The following BLTP1 variants were observed in gnomAD, a reference collection of about 807,000 sequenced individuals.
The protein encoded by BLTP1 is fragile site-associated protein.
At chr4:122,305,545 A>G in the BLTP1 span, 1 of 985,032 alleles carries the variant, frequency 1.0e-6, no homozygotes, top group Non-Finnish European at 1.2e-6. Context: ...GCTGCATTAA[A>G]GATACGAGGA....
the BLTP1 span, among the ~76,000 whole-genome samples, chr4:122,278,487 G>T: frequency 6.6e-6 from 1 of 152,176 alleles, no homozygotes; most frequent in African/African-American, 2.4e-5. Context: ...TGTGGTGGAG[G>T]ACTGGTAAAG....
At chr4:122,213,258 C>T in the BLTP1 span, among the ~76,000 whole-genome samples, 1 of 152,044 alleles carries the variant, frequency 6.6e-6, no homozygotes, top group Admixed American at 6.6e-5. Flanking sequence ...AGATTTGTCT[C>T]AAACTTCTTC....
the BLTP1 span, chr4:122,244,567 A>C: frequency 4.6e-5 from 30 of 647,804 alleles, no homozygotes; most frequent in Admixed American, 1.3e-4. Flanking sequence ...TATTATATAA[A>C]ACTAACATGA....
chr4:122,183,377 C>T, the BLTP1 span: 2 of 818,100 alleles, frequency 2.4e-6, no homozygotes, highest in Non-Finnish European at 2.9e-6. Flanking sequence ...GATTTACATT[C>T]TGCACTCTAG....
chr4:122,328,861 C>A, the BLTP1 span: 1 of 639,560 alleles, frequency 1.6e-6, no homozygotes, highest in South Asian at 7.0e-5. Flanking sequence ...TCAAGAGGAG[C>A]GGCAAGGATC....
At chr4:122,170,055 C>G in the BLTP1 span, 1 of 939,742 alleles carries the variant, frequency 1.1e-6, no homozygotes, top group Non-Finnish European at 1.3e-6. Flanking sequence ...GCATGTAATC[C>G]CAGCACTTTG....
the BLTP1 span, chr4:122,270,326 A>C: frequency 3.1e-6 from 3 of 983,514 alleles, no homozygotes; most frequent in African/African-American, 3.5e-5. Flanking sequence ...CATAGTGTGC[A>C]TGGAAGAAGA....
chr4:122,238,267 G>A, the BLTP1 span: 1 of 1,614,084 alleles, frequency 6.2e-7, no homozygotes, highest in South Asian at 1.1e-5. Flanking sequence ...CTGGTGAAAA[G>A]GAAAGTCCTT....
chr4:122,175,747 G>A, the BLTP1 span: 1 of 710,798 alleles, frequency 1.4e-6, no homozygotes, highest in Admixed American at 2.5e-5. Flanking sequence ...AGGATTTCCT[G>A]TATTTCCTTG....
At chr4:122,277,899 A>G in the BLTP1 span, among the ~76,000 whole-genome samples, 1 of 152,172 alleles carries the variant, frequency 6.6e-6, no homozygotes, top group South Asian at 2.1e-4. Flanking sequence ...AATGGGGGTA[A>G]AATAAAAAGT....
At chr4:122,277,180 T>C in the BLTP1 span, 2 of 681,410 alleles carry the variant, frequency 2.9e-6, no homozygotes, top group Non-Finnish European at 3.6e-6. Flanking sequence ...CTACAAAAAA[T>C]TTAAAAACAA....
At chr4:122,302,160 A>G in the BLTP1 span, 1 of 401,882 alleles carries the variant, frequency 2.5e-6, no homozygotes, top group Non-Finnish European at 3.4e-6. Flanking sequence ...ATTTAATTGT[A>G]TTTAATGTAT....
the BLTP1 span, chr4:122,254,939 T>A: frequency 6.2e-7 from 1 of 1,608,958 alleles, no homozygotes; most frequent in Non-Finnish European, 8.5e-7. Flanking sequence ...GGATGCATAA[T>A]GACAGAAGCA....
chr4:122,181,765 T>C, the BLTP1 span, among the ~76,000 whole-genome samples: 6,034 of 152,052 alleles, frequency 0.04, 163 homozygotes, highest in East Asian at 0.14. Flanking sequence ...GTCTTTACTT[T>C]TGAAGGACAT....
At chr4:122,334,601 C>G in the BLTP1 span, 1 of 1,539,128 alleles carries the variant, frequency 6.5e-7, no homozygotes, top group Non-Finnish European at 8.9e-7. Flanking sequence ...TTAGTTATTA[C>G]CTACTTGCTC....
chr4:122,189,581 T>C, the BLTP1 span: 1 of 856,222 alleles, frequency 1.2e-6, no homozygotes, highest in Non-Finnish European at 1.4e-6. Flanking sequence ...TATTAAGTGG[T>C]CAAATTTTAA....
chr4:122,233,669 C>T, the BLTP1 span, among the ~76,000 whole-genome samples: 1 of 152,142 alleles, frequency 6.6e-6, no homozygotes, highest in Non-Finnish European at 1.5e-5. Flanking sequence ...TTCCTTCTGT[C>T]TTCTCTAGAT....
At chr4:122,182,150 A>G in the BLTP1 span, among the ~76,000 whole-genome samples, 1 of 152,212 alleles carries the variant, frequency 6.6e-6, no homozygotes, top group South Asian at 2.1e-4. Context: ...AATTACAGAG[A>G]GCATACAGAG....
At chr4:122,198,127 G>T in the BLTP1 span, 3 of 985,244 alleles carry the variant, frequency 3.0e-6, no homozygotes, top group Non-Finnish European at 3.6e-6. Flanking sequence ...ACGTTCATTA[G>T]TTTATGTAAA....
Sources: allele counts gnomAD v4.1 joint callset (sites outside exome capture counted in the v4.1 genomes callset), GRCh38; gene constraint gnomAD v4.1.1; transcripts MANE v1.5; gene names NCBI Gene and HGNC (gene_info 2026-07-23, HGNC 2026-07-21).